ZSCAN18: variants seen among roughly 807,000 people sequenced by gnomAD.
ZSCAN18 encodes zinc finger and SCAN domain containing 18, also known as zinc finger and SCAN domain-containing protein 18.
A neutral mutation model predicts 31.1 loss-of-function variants in ZSCAN18; 16 were observed. That is an observed-to-expected ratio of 0.51 (90% CI 0.35 to 0.78). The LOEUF (loss-of-function observed/expected upper bound fraction) is 0.78, where lower values mean the gene tolerates loss of function less well. ZSCAN18 is among the 30% of genes least tolerant of loss of function. ZSCAN18 has a pLI of 0.01. For synonymous variants in ZSCAN18, 375 were observed against 320.7 expected (o/e 1.17, Z -1.81); for missense variants, 731 against 697.4 (o/e 1.05, Z -0.54).
chr19:58,107,849 C>T (rs1317167468), intron 1 of ZSCAN18: 6 of 1,031,236 alleles, frequency 5.8e-6, no homozygotes, highest in Admixed American at 4.9e-5. Flanking sequence ...GGCACAAGGT[C>T]GCCTGAGCAT....
At chr19:58,098,451 A>C, upstream of ZSCAN18, 1 of 875,960 alleles carries the variant, frequency 1.1e-6, no homozygotes, top group Non-Finnish European at 1.4e-6. Context: ...GGTAAATAAT[A>C]GACCCCTGAC....
chr19:58,108,996 T>C (rs546457727), intron 1 of ZSCAN18: 1 of 1,197,774 alleles, frequency 8.3e-7, no homozygotes, highest in African/African-American at 1.6e-5. Flanking sequence ...TTGAGTCATG[T>C]TCACAGAAAC....
In ZSCAN18 at chr19:58,088,710, C is replaced by T. The variant is rs2074336887; in HGVS notation, c.531G>A (p.Glu177=). The T allele has an allele frequency of 1.2e-6, 2 of 1,610,734 alleles. No individual in the cohort carries two copies. Among genetic ancestry groups the T allele is most frequent in the Admixed American group, 1.7e-5 (1 of 59,998 alleles). ...ASPSQALGAG[E]IPAPSETPWL... is the part of the protein sequence containing the mutation. ...CACGTGTCTCAGAAGGTGCCGGGAT[C>T]TCCCCAGCTCCAAGGGCCTGGCTGG... is the stretch of plus-strand genomic sequence containing the variant. Residue 177 remains glutamate (E), a synonymous_variant, in exon 3 of 7, where the codon GAG becomes GAA. Transcript: ENST00000601144.
upstream of ZSCAN18, among the ~76,000 whole-genome samples, chr19:58,101,390 C>T (rs1023843817): frequency 1.3e-5 from 2 of 149,042 alleles, no homozygotes; most frequent in African/African-American, 5.0e-5. Context: ...ACCTCATGAT[C>T]CACCCGCCTT....
rs974996794 is a variant in ZSCAN18, at chr19:58,084,702, G to C, written c.1516C>G (p.Pro506Ala). Residue 506 changes from proline (P) to alanine (A), a missense_variant, in exon 7 of 7, where the codon CCA becomes GCA. Coordinates refer to ENST00000601144, the MANE Select transcript of ZSCAN18 (RefSeq NM_001145543.2). This position sits in a 1 kb window ranked among gnomAD's most constrained non-coding sequence, Gnocchi z 4.5. ...ACAGCGGCTCACCTCTGCGCCTCTG[G>C]GGGTGCGGGGGGAGCCTCGCCCTCC... ...SVEGEAPPAP[P>A]EAQR 6.7e-7 allele frequency: 1 copy of C among 1,500,496 alleles called. No homozygotes were observed. The highest frequency in any genetic ancestry group is 8.8e-7 in the Non-Finnish European group (1 of 1,135,404). The allele number at this position is 1,500,496 out of a possible 1,614,324, so 92.9% of individuals were successfully genotyped here.
At chr19:58,089,385 TG>T (rs1230953875) in intron 2 of ZSCAN18, among the ~76,000 whole-genome samples, 4 of 146,386 alleles carry the variant, frequency 2.7e-5, no homozygotes, top group Non-Finnish European at 5.9e-5. Context: ...CCCAGCACTT[TG>T]GGAGACCAAG....
chr19:58,090,096 GGT>G lies in ZSCAN18; in HGVS notation c.170_171del (p.Tyr57SerfsTer15). The G allele has an allele frequency of 6.2e-7, 1 of 1,613,800 alleles. No homozygotes were observed. The highest frequency in any genetic ancestry group is 8.5e-7 in the Non-Finnish European group (1 of 1,179,904). The stretch of plus-strand genomic sequence containing the variant: ...GTCTGGTGGGGCCCGGCAGCCTCCT[GGT>G]AGACAAATTCCCGGAAACGCAGGCG... ...FSRLRFREFV[Y>X]QEAAGPHQTL... On this transcript the variant is annotated frameshift_variant, in exon 2 of 7. Coordinates refer to ENST00000601144, the MANE Select transcript of ZSCAN18 (RefSeq NM_001145543.2). LOFTEE classifies it high-confidence loss of function. This position sits in a 1 kb window ranked among gnomAD's most constrained non-coding sequence, Gnocchi z 4.7.
intron 2 of ZSCAN18, among the ~76,000 whole-genome samples, chr19:58,089,349 T>C (rs1453463830): frequency 1.7e-5 from 2 of 119,590 alleles, no homozygotes; most frequent in Non-Finnish European, 3.3e-5. Flanking sequence ...GAGGCTGGGC[T>C]GGGTGTGGTG....
intron 1 of ZSCAN18, chr19:58,108,673 T>C (rs2074655128): frequency 1.0e-6 from 1 of 985,478 alleles, no homozygotes; most frequent in Non-Finnish European, 1.2e-6. Context: ...TTCACTGTCA[T>C]TGTATTCATT....
At chr19:58,086,356 G>T in intron 5 of ZSCAN18, 90 bp from the exon 6 acceptor site, 1 of 1,142,674 alleles carries the variant, frequency 8.8e-7, no homozygotes, top group Non-Finnish European at 1.3e-6. Flanking sequence ...AGGGCAGGCT[G>T]CAGCCCACCT....
chr19:58,086,156 A>G lies in ZSCAN18; in HGVS notation c.838+18T>C, dbSNP rs1244036387. 1 of 1,613,254 alleles carries G rather than the reference A, an allele frequency of 6.2e-7. No individual in the cohort carries two copies. The highest frequency in any genetic ancestry group is 2.2e-5 in the East Asian group (1 of 44,866). On this transcript the variant is annotated intron_variant, in intron 6 of 6. Coordinates refer to ENST00000601144, the MANE Select transcript of ZSCAN18 (RefSeq NM_001145543.2). ...GCAAACCCCACCCGGCCCTAACACC[A>G]ATTCAACCCAACCTCACCTGGGAGG...
At chr19:58,118,222 G>T in intron 1 of ZSCAN18, 1 of 979,358 alleles carries the variant, frequency 1.0e-6, no homozygotes, top group Non-Finnish European at 1.4e-6. Flanking sequence ...GAGCGACCAC[G>T]CAGCCACCGC....
chr19:58,092,558 A>T (rs1479513948), intron 1 of ZSCAN18: 1 of 358,906 alleles, frequency 2.8e-6, no homozygotes, highest in Non-Finnish European at 3.8e-6. Context: ...CCTGGGTGAC[A>T]GAGCGAGACT....
At chr19:58,108,620 G>T in intron 1 of ZSCAN18, 1 of 985,594 alleles carries the variant, frequency 1.0e-6, no homozygotes, top group African/African-American at 1.7e-5. Flanking sequence ...TGAGTCCTCT[G>T]GTGACTGATG....
Position 58,084,751 on chromosome 19 carries a change from C to A in ZSCAN18, c.1467G>T (p.Arg489Ser). 2 of 1,562,136 alleles carry A rather than the reference C, an allele frequency of 1.3e-6. No individual in the cohort carries two copies. The highest frequency in any genetic ancestry group is 2.3e-5 in the East Asian group (1 of 43,642). The change falls in exon 7 of 7, where the codon AGG becomes AGT. Residue 489 changes from arginine (R) to serine (S), a missense_variant. By Grantham distance (110) the Arg-to-Ser change is moderately radical. Transcript: ENST00000601144. This position sits in a 1 kb window ranked among gnomAD's most constrained non-coding sequence, Gnocchi z 4.5. Reference protein sequence around the residue: ...PSTREAQAGARAGGPPESVEG... With the variant: ...PSTREAQAGASAGGPPESVEG... ...CCACGCTCTCTGGGGGACCGCCCGC[C>A]CTAGCCCCCGCCTGGGCTTCGCGGG...
At chr19:58,104,087 A>T (rs1032864423) in intron 1 of ZSCAN18, among the ~76,000 whole-genome samples, 1 of 152,178 alleles carries the variant, frequency 6.6e-6, no homozygotes, top group African/African-American at 2.4e-5. Context: ...GCAGAAGAAA[A>T]TTCTGAGCCG....
At chr19:58,106,795 C>T (rs988935056) in intron 1 of ZSCAN18, among the ~76,000 whole-genome samples, 3 of 150,626 alleles carry the variant, frequency 2.0e-5, no homozygotes, top group African/African-American at 7.4e-5. Flanking sequence ...GAGCCTCCTT[C>T]TGTTTCCCAG....
intron 1 of ZSCAN18, 147 bp downstream of exon 1, chr19:58,098,027 C>A: frequency 1.0e-6 from 1 of 985,650 alleles, no homozygotes; most frequent in Non-Finnish European, 1.2e-6. Flanking sequence ...AGACCCTCGG[C>A]CTCCTGGACG....
intron 2 of ZSCAN18, 56 bp from the exon 3 acceptor site, chr19:58,088,893 A>G: frequency 6.4e-6 from 10 of 1,554,204 alleles, no homozygotes; most frequent in Non-Finnish European, 7.9e-6. Flanking sequence ...TGCCAACAAC[A>G]ATCACACAGT....
Sources: gnomAD v4.1 joint callset for allele counts (sites outside exome capture counted in the v4.1 genomes callset) on GRCh38, gnomAD v4.1.1 for gene constraint, Gnocchi (gnomAD v3.1) non-coding constraint, MANE v1.5 for transcripts, NCBI Gene and HGNC (gene_info 2026-07-23, HGNC 2026-07-21) for gene names.